The following ACTR3C variants were observed in gnomAD, a reference collection of about 807,000 sequenced individuals.
ACTR3C encodes actin-related protein 3C.
Under a neutral mutation model 26.3 loss-of-function variants are expected in ACTR3C, and 18 were observed. The ratio of observed to expected loss-of-function variants is 0.68; its 90% confidence interval spans 0.47 to 1.01. ACTR3C has a LOEUF of 1.01. Ranked by LOEUF, ACTR3C falls within the 50% of genes least tolerant of loss-of-function variation. The pLI, the probability that ACTR3C is intolerant of heterozygous loss-of-function variation, is 0.00. For missense variants in ACTR3C, 184 were observed against 250.7 expected, an observed-to-expected ratio of 0.73 and a Z score of 1.80; for synonymous variants, 55 against 94.5, an observed-to-expected ratio of 0.58 and a Z score of 2.42.
the ACTR3C span, among the ~76,000 whole-genome samples, chr7:149,922,671 G>C: frequency 1.3e-5 from 2 of 151,204 alleles, no homozygotes; most frequent in African/African-American, 4.9e-5. Flanking sequence ...TTTTTGGTTA[G>C]TTTTGTTCAT....
the ACTR3C span, among the ~76,000 whole-genome samples, chr7:149,902,944 AAAAAAAAAG>A: frequency 7.2e-5 from 2 of 27,588 alleles, 1 homozygote; most frequent in Non-Finnish European, 4.1e-4. Flanking sequence ...TCAAAAAAAA[AAAAAAAAAG>A]AAAGAAAGAG....
At chr7:150,066,345 T>C in the ACTR3C span, among the ~76,000 whole-genome samples, 1 of 152,226 alleles carries the variant, frequency 6.6e-6, no homozygotes, top group Non-Finnish European at 1.5e-5. Context: ...ACAGGCCTCA[T>C]GCCCTCCCAA....
the ACTR3C span, among the ~76,000 whole-genome samples, chr7:150,032,399 T>C: frequency 2.0e-5 from 3 of 152,212 alleles, no homozygotes; most frequent in African/African-American, 4.8e-5. Context: ...TGGCCAGTCC[T>C]GTTCCTGTCT....
chr7:150,267,451 C>T (rs780152319), intron 6 of ACTR3C, among the ~76,000 whole-genome samples: 36 of 152,220 alleles, frequency 2.4e-4, no homozygotes, highest in African/African-American at 3.4e-4. Context: ...ACACCGTATA[C>T]GCCACCTGCC....
the ACTR3C span, among the ~76,000 whole-genome samples, chr7:149,883,629 C>T: frequency 6.6e-5 from 10 of 152,218 alleles, no homozygotes; most frequent in Admixed American, 6.5e-4. Context: ...CTCTAGCGAG[C>T]CCTCGTCCAA....
chr7:149,989,722 A>G, the ACTR3C span, among the ~76,000 whole-genome samples: 1 of 152,202 alleles, frequency 6.6e-6, no homozygotes, highest in Non-Finnish European at 1.5e-5. Context: ...GCCATCCAGA[A>G]CAGTGCTGCA....
chr7:149,961,102 C>G, the ACTR3C span, among the ~76,000 whole-genome samples: 1 of 150,040 alleles, frequency 6.7e-6, no homozygotes, highest in East Asian at 2.0e-4. Context: ...AGGAAGTGTA[C>G]AGTCACAGGA....
chr7:150,152,766 T>C, the ACTR3C span, among the ~76,000 whole-genome samples: 1 of 152,254 alleles, frequency 6.6e-6, no homozygotes, highest in East Asian at 1.9e-4. Flanking sequence ...ATCCATCTGG[T>C]CCTGGACTCT....
At chr7:150,033,771 T>G in the ACTR3C span, among the ~76,000 whole-genome samples, 1 of 132,766 alleles carries the variant, frequency 7.5e-6, no homozygotes, top group East Asian at 2.5e-4. Flanking sequence ...TGCTTCCACC[T>G]CCTGCGATGG....
the ACTR3C span, among the ~76,000 whole-genome samples, chr7:149,938,595 T>G: frequency 6.6e-6 from 1 of 152,060 alleles, no homozygotes; most frequent in Admixed American, 6.6e-5. Context: ...TTTTAAAAAT[T>G]AGAATATCCA....
chr7:150,171,167 A>G, the ACTR3C span, among the ~76,000 whole-genome samples: 1 of 139,822 alleles, frequency 7.2e-6, no homozygotes, highest in African/African-American at 3.0e-5. Flanking sequence ...GAGAGCACAC[A>G]TCCTTCTCAG....
intron 6 of ACTR3C, among the ~76,000 whole-genome samples, chr7:150,250,537 T>G (rs1170551281): frequency 6.6e-6 from 1 of 151,764 alleles, no homozygotes; most frequent in East Asian, 1.9e-4. Flanking sequence ...TTAGCTACTG[T>G]GTTGAGATTT....
chr7:150,070,956 A>G, the ACTR3C span, among the ~76,000 whole-genome samples: 1 of 146,048 alleles, frequency 6.8e-6, no homozygotes, highest in Non-Finnish European at 1.5e-5. Context: ...CACCATGCCC[A>G]ACTAATTTTT....
chr7:150,299,845 G>A (rs1378175770), intron 1 of ACTR3C, among the ~76,000 whole-genome samples: 2 of 152,014 alleles, frequency 1.3e-5, no homozygotes, highest in Admixed American at 6.6e-5. Context: ...CAATGAGTAC[G>A]GAGTTTCAGT....
chr7:150,113,892 T>A, the ACTR3C span, among the ~76,000 whole-genome samples: 1 of 152,124 alleles, frequency 6.6e-6, no homozygotes, highest in African/African-American at 2.4e-5. Context: ...CACAGCTTCA[T>A]TCAAATTAAA....
chr7:150,064,308 A>T, the ACTR3C span, among the ~76,000 whole-genome samples: 1 of 147,616 alleles, frequency 6.8e-6, no homozygotes, highest in African/African-American at 2.5e-5. Flanking sequence ...TAATCCCAGC[A>T]CTTTGGGAGG....
chr7:149,928,445 C>T, the ACTR3C span, among the ~76,000 whole-genome samples: 1,291 of 142,932 alleles, frequency 9.0e-3, 19 homozygotes, highest in African/African-American at 0.033. Context: ...TGGTCTCGAT[C>T]TCCTGACCTC....
the ACTR3C span, among the ~76,000 whole-genome samples, chr7:150,220,136 G>A: frequency 6.8e-6 from 1 of 147,878 alleles, no homozygotes; most frequent in South Asian, 2.1e-4. Context: ...ACCAGCGGCT[G>A]CTCACACTCC....
At chr7:150,186,936 T>A in the ACTR3C span, among the ~76,000 whole-genome samples, 5 of 151,990 alleles carry the variant, frequency 3.3e-5, no homozygotes, top group Admixed American at 1.3e-4. Flanking sequence ...ATTTGTTTTT[T>A]AAAAAAAAGG....
Sources: gnomAD v4.1 joint callset for allele counts (sites outside exome capture counted in the v4.1 genomes callset) on GRCh38, gnomAD v4.1.1 for gene constraint, MANE v1.5 for transcripts, NCBI Gene and HGNC (gene_info 2026-07-23, HGNC 2026-07-21) for gene names.